The following VTI1A variants were observed in gnomAD, a reference collection of about 807,000 sequenced individuals.
The protein encoded by VTI1A is vesicle transport through interaction with t-SNAREs homolog 1A.
Under a neutral mutation model 34.9 loss-of-function variants are expected in VTI1A, and 22 were observed. The ratio of observed to expected loss-of-function variants is 0.63; its 90% CI spans 0.45 to 0.90. VTI1A has a LOEUF of 0.90. VTI1A is among the 40% of genes least tolerant of loss of function. The pLI is 0.00. For missense variants in VTI1A, 268 were observed against 275.6 expected, an observed-to-expected ratio of 0.97 and a Z score of 0.20; for synonymous variants, 87 against 97.3, an observed-to-expected ratio of 0.89 and a Z score of 0.62.
intron 3 of VTI1A, among the ~76,000 whole-genome samples, chr10:112,509,694 G>T (rs999572948): frequency 1.3e-5 from 2 of 152,302 alleles, no homozygotes; most frequent in African/African-American, 2.4e-5. Context: ...TCCCTGGTTG[G>T]AGAGTTGTAG....
At chr10:112,854,999 T>C in the VTI1A span, among the ~76,000 whole-genome samples, 531 of 151,668 alleles carry the variant, frequency 3.5e-3, 2 homozygotes, top group African/African-American at 0.011. Context: ...CTGCCTGCTG[T>C]GGGCCTCCAA....
At position 112,534,473 on chromosome 10, in the gene VTI1A, CATTG is replaced by C. The variant is rs567214177; in HGVS notation, c.343-3767_343-3764del. On this transcript the variant is annotated intron_variant, in intron 4 of 7. Coordinates refer to ENST00000393077, the MANE Select transcript of VTI1A (RefSeq NM_145206.4). ...ATTACTTTTGAGTTTAATTTGACTG[CATTG>C]ATTGAGAATTCTCTAGAATTTTTTT... 2.3e-3 allele frequency among the ~76,000 whole-genome samples: 351 copies of C among 152,020 alleles called. 3 individuals are homozygous for C. The highest frequency in any genetic ancestry group is 8.1e-3 in the African/African-American group (336 of 41,486).
intron 7 of VTI1A, among the ~76,000 whole-genome samples, chr10:112,755,968 G>C (rs562293637): frequency 6.6e-6 from 1 of 152,138 alleles, no homozygotes; most frequent in South Asian, 2.1e-4. Flanking sequence ...TTGATGAAAG[G>C]GTTCTTGGTA....
At chr10:112,753,911 C>T (rs998146373) in intron 7 of VTI1A, among the ~76,000 whole-genome samples, 1 of 152,132 alleles carries the variant, frequency 6.6e-6, no homozygotes, top group East Asian at 1.9e-4. Context: ...AATTTCCAAG[C>T]ATCCTTTCCA....
chr10:112,448,043 TAAATA>T lies in VTI1A; in HGVS notation c.94+585_94+589del, dbSNP rs202121835. Among the ~76,000 whole-genome samples, 682 of 152,002 alleles carry T rather than the reference TAAATA, an allele frequency of 4.5e-3. 5 individuals are homozygous for T. The highest frequency in any genetic ancestry group is 0.015 in the African/African-American group (631 of 41,314). ...AGAGTGAAACTCCGTCTCAAATAAA[TAAATA>T]AAATAAAAGTTGTGCCTCTTAAACA... On this transcript the variant is annotated intron_variant, in intron 1 of 7. Coordinates refer to ENST00000393077, the MANE Select transcript of VTI1A (RefSeq NM_145206.4).
Position 112,763,229 on chromosome 10 carries a change from A to G in VTI1A, c.561-52061A>G, listed in dbSNP as rs896968288. 4.6e-5 allele frequency among the ~76,000 whole-genome samples: 7 copies of G among 152,134 alleles called. No individual in the cohort carries two copies. The East Asian group carries it at 1.4e-3, about 29-fold the overall frequency. On this transcript the variant is annotated intron_variant, in intron 7 of 7. Transcript: ENST00000393077. ...GTCGAGGCGGGCGGATCACAAGGTC[A>G]GGAGATCGAGACCATCCTGGCTAAC...
intron 7 of VTI1A, among the ~76,000 whole-genome samples, chr10:112,687,664 A>C (rs977899514): frequency 6.6e-5 from 10 of 152,096 alleles, no homozygotes; most frequent in Non-Finnish European, 1.5e-5. Flanking sequence ...AATGAAACCC[A>C]TCTCTGGGCA....
At chr10:112,706,957 T>C (rs967201950) in intron 7 of VTI1A, among the ~76,000 whole-genome samples, 1 of 152,220 alleles carries the variant, frequency 6.6e-6, no homozygotes, top group Admixed American at 6.5e-5. Flanking sequence ...ATTTAATTTT[T>C]GTTTTTTAAC....
chr10:112,552,342 T>A (rs1564824043), intron 5 of VTI1A, among the ~76,000 whole-genome samples: 2 of 152,192 alleles, frequency 1.3e-5, no homozygotes, highest in South Asian at 4.1e-4. Context: ...AGTTTCCCTC[T>A]TTCTCATTAG....
At chr10:112,844,286 G>A in the VTI1A span, among the ~76,000 whole-genome samples, 1 of 151,986 alleles carries the variant, frequency 6.6e-6, no homozygotes, top group Non-Finnish European at 1.5e-5. Flanking sequence ...CCCATCCCCT[G>A]TCTTCCAAAG....
chr10:112,804,397 C>A (rs1046605596), intron 7 of VTI1A, among the ~76,000 whole-genome samples: 6 of 152,246 alleles, frequency 3.9e-5, no homozygotes, highest in African/African-American at 1.2e-4. Flanking sequence ...CAGTGCCTCT[C>A]ACCTTTCCTG....
intron 5 of VTI1A, among the ~76,000 whole-genome samples, chr10:112,628,959 A>T (rs1038594359): frequency 1.3e-5 from 2 of 152,268 alleles, no homozygotes; most frequent in Non-Finnish European, 2.9e-5. Flanking sequence ...TCTTTGATAC[A>T]CCAGACATCT....
chr10:112,765,163 A>G (rs115590557), intron 7 of VTI1A, among the ~76,000 whole-genome samples: 2,742 of 152,104 alleles, frequency 0.018, 76 homozygotes, highest in African/African-American at 0.063. Flanking sequence ...TACCATTTCA[A>G]TTTCTTGCTT....
At chr10:112,523,387 G>A (rs1307162715) in intron 3 of VTI1A, among the ~76,000 whole-genome samples, 2 of 151,960 alleles carry the variant, frequency 1.3e-5, no homozygotes, top group Non-Finnish European at 2.9e-5. Context: ...TGAAACTTGT[G>A]CATCTAACTT....
intron 7 of VTI1A, among the ~76,000 whole-genome samples, chr10:112,743,130 G>A (rs551892988): frequency 1.3e-5 from 2 of 149,822 alleles, no homozygotes; most frequent in Admixed American, 6.7e-5. Context: ...TACCATTTAC[G>A]CTTTCCAGGT....
intron 3 of VTI1A, among the ~76,000 whole-genome samples, chr10:112,518,601 A>C (rs1226816282): frequency 1.0e-4 from 15 of 143,732 alleles, no homozygotes; most frequent in Non-Finnish European, 6.0e-5. Flanking sequence ...ATATATATAT[A>C]TATATATATA....
chr10:112,798,143 C>T (rs182495474), intron 7 of VTI1A, among the ~76,000 whole-genome samples: 9 of 152,260 alleles, frequency 5.9e-5, no homozygotes, highest in Non-Finnish European at 1.2e-4. Context: ...GGTGTTAGGT[C>T]AGTGCGGCTG....
At chr10:112,562,501 A>C (rs1165355370) in intron 5 of VTI1A, among the ~76,000 whole-genome samples, 1 of 152,054 alleles carries the variant, frequency 6.6e-6, no homozygotes, top group Non-Finnish European at 1.5e-5. Context: ...AAATGGAAGG[A>C]TTTAGAAAGT....
chr10:112,791,008 G>A (rs1372824020), intron 7 of VTI1A, among the ~76,000 whole-genome samples: 2 of 152,092 alleles, frequency 1.3e-5, no homozygotes, highest in African/African-American at 2.4e-5. Context: ...TCTCCAATAT[G>A]GCAATGACCA....
Sources: allele counts gnomAD v4.1 joint callset (sites outside exome capture counted in the v4.1 genomes callset), GRCh38; gene constraint gnomAD v4.1.1; transcripts MANE v1.5; gene names NCBI Gene and HGNC (gene_info 2026-07-23, HGNC 2026-07-21).